MYO19: variants seen among roughly 807,000 people sequenced by gnomAD.
The protein encoded by MYO19 is unconventional myosin-XIX.
A neutral mutation model predicts 129.2 loss-of-function variants in MYO19; 132 were observed. The observed-to-expected ratio is 1.02, with a 90% CI of 0.89 to 1.18. The LOEUF (loss-of-function observed/expected upper bound fraction) is 1.18, where lower values mean the gene tolerates loss of function less well. Among genes scored for constraint, MYO19 ranks in the 50% most tolerant of loss-of-function variants. MYO19 has a pLI of 0.00. For missense variants in MYO19, 1,210 were observed against 1,216.7 expected, an observed-to-expected ratio of 0.99 and a Z score of 0.08; for synonymous variants, 531 against 477.2, an observed-to-expected ratio of 1.11 and a Z score of -1.47.
intron 22 of MYO19, 42 bp from the exon 23 acceptor site, chr17:36,501,001 C>T (rs1158272254): frequency 6.2e-7 from 1 of 1,604,204 alleles, no homozygotes; most frequent in African/African-American, 1.3e-5. Flanking sequence ...TCTTCTCCCC[C>T]TGCCCCCTCC....
chr17:36,518,629 G>C (rs559202161), intron 6 of MYO19, among the ~76,000 whole-genome samples: 2 of 134,114 alleles, frequency 1.5e-5, no homozygotes, highest in East Asian at 4.4e-4. Context: ...TGTCTCCTTA[G>C]AAGATAATCA....
chr17:36,500,043 GAGAA>G (rs2071399154), intron 23 of MYO19: 2 of 151,948 alleles, frequency 1.3e-5, no homozygotes, highest in Non-Finnish European at 2.9e-5. Flanking sequence ...ATTTTTAGTA[GAGAA>G]AGGGTTTTGC....
chr17:36,498,581 T>C lies in MYO19; in HGVS notation c.2464-22A>G, dbSNP rs77323467. On this transcript the variant is annotated intron_variant, in intron 24 of 25. Transcript: ENST00000614623. ...TGATCTTAAAAAGCAAATATCCCTT[T>C]ATAGCTTTAGATTTATCTAGCCCTC... 6.3e-4 allele frequency: 1,007 copies of C among 1,592,138 alleles called. 5 individuals are homozygous for C. In the African/African-American group the frequency reaches 0.012, roughly 19 times the overall value.
At chr17:36,514,573 C>T (rs777126686) in intron 8 of MYO19, 25 bp from the exon 9 acceptor site, 21 of 1,469,866 alleles carry the variant, frequency 1.4e-5, no homozygotes, top group African/African-American at 5.5e-5. Context: ...GGCCAGAGCC[C>T]GTTAGTTGCC....
chr17:36,517,854 T>C (rs62070730), intron 6 of MYO19, among the ~76,000 whole-genome samples: 67,337 of 151,344 alleles, frequency 0.44, 15,151 homozygotes, highest in Non-Finnish European at 0.48. Flanking sequence ...TTTGGGAGGC[T>C]GAGGTGGGTG....
chr17:36,500,976 C>A lies in MYO19; in HGVS notation c.2248-17G>T. ...AAGCTCCAGCTGGGAGAAAAGGCAT[C>A]CATTGAGGGCAGCCTCTTCTCCCCC... On this transcript the variant is annotated splice_polypyrimidine_tract_variant and intron_variant, in intron 22 of 25. Coordinates refer to ENST00000614623, the MANE Select transcript of MYO19 (RefSeq NM_001163735.2). The A allele has an allele frequency of 6.2e-7, 1 of 1,608,496 alleles. No individual in the cohort carries two copies. Among genetic ancestry groups the A allele is most frequent in the Non-Finnish European group, 8.5e-7 (1 of 1,175,438 alleles).
rs73276759 is a variant in MYO19 at position 36,502,231 on chromosome 17, A to C, written c.2080+866T>G. The stretch of plus-strand genomic sequence containing the variant: ...CTGTGGCTCCCACAGCCTCTCTTTT[A>C]TCTGCATGCCGACAACCCCCATATG... On this transcript the variant is annotated intron_variant, in intron 21 of 25. Transcript: ENST00000614623. 4.7e-3 allele frequency among the ~76,000 whole-genome samples: 713 copies of C among 152,056 alleles called. 10 individuals are homozygous for C. Among genetic ancestry groups the C allele is most frequent in the African/African-American group, 0.017 (695 of 41,474 alleles).
chr17:36,513,260 G>A, intron 11 of MYO19, 169 bp downstream of exon 11: 2 of 1,475,066 alleles, frequency 1.4e-6, no homozygotes, highest in Admixed American at 2.5e-5. Context: ...CCACCACCTG[G>A]TCTCCAGACT....
chr17:36,523,591 G>A (rs1376231746), intron 6 of MYO19, among the ~76,000 whole-genome samples: 3 of 152,044 alleles, frequency 2.0e-5, no homozygotes, highest in Non-Finnish European at 2.9e-5. Flanking sequence ...AAAACAGAGG[G>A]AAAATAAAAA....
rs112738984 is a variant in MYO19, at chr17:36,541,197, G to A, written n.395+884C>T. On this transcript the variant is annotated intron_variant and non_coding_transcript_variant, in intron 2 of 2. Transcript: ENST00000610496. ...CCTGACCTCGTGATCCGCCTGCCTCGGCCTCCCAAAGTGCTGGGATTACAG... is the reference window on the plus strand; with the variant it reads ...CCTGACCTCGTGATCCGCCTGCCTCAGCCTCCCAAAGTGCTGGGATTACAG... Among the ~76,000 whole-genome samples the A allele has an allele frequency of 6.5e-3, 982 of 151,746 alleles. 16 individuals carry two copies. Among genetic ancestry groups the A allele is most frequent in the African/African-American group, 0.023 (954 of 41,346 alleles).
intron 3 of MYO19, among the ~76,000 whole-genome samples, 165 bp from the exon 4 acceptor site, chr17:36,528,367 C>T (rs2073617837): frequency 6.6e-6 from 1 of 152,108 alleles, no homozygotes; most frequent in Non-Finnish European, 1.5e-5. Flanking sequence ...AAAAATTAGC[C>T]AGGCATGGTG....
chr17:36,538,047 C>T, upstream of MYO19: 4 of 1,614,134 alleles, frequency 2.5e-6, no homozygotes, highest in Non-Finnish European at 3.4e-6. Flanking sequence ...TGTGGCAATA[C>T]ACATGGCTGG....
chr17:36,506,360 C>T, intron 18 of MYO19, 96 bp downstream of exon 18: 1 of 1,525,310 alleles, frequency 6.6e-7, no homozygotes. Flanking sequence ...GCCACTGCTC[C>T]CCAACAAACA....
Position 36,496,109 on chromosome 17 carries a change from CTG to C in MYO19, c.*140_*141del. On this transcript the variant is annotated 3_prime_UTR_variant, in exon 26 of 26. Transcript: ENST00000614623. ...CCACTGACGCACTGGGCACGGGGCT[CTG>C]GGTCGAAGGCTGGAGCCGTCACTGT... 1.7e-6 allele frequency: 2 copies of C among 1,195,218 alleles called. No homozygotes were observed. The highest frequency in any genetic ancestry group is 2.4e-6 in the Non-Finnish European group (2 of 844,406). The allele number at this position is 1,195,218 out of a possible 1,614,324, so 74.0% of individuals were successfully genotyped here.
At position 36,514,487 on chromosome 17, in the gene MYO19, AG is replaced by A; in HGVS notation, c.678del (p.Cys227AlafsTer45). On this transcript the variant is annotated frameshift_variant, in exon 9 of 26. Coordinates refer to ENST00000614623, the MANE Select transcript of MYO19 (RefSeq NM_001163735.2). LOFTEE classifies it high-confidence loss of function. Reference sequence around the variant, plus strand: ...AAGTTCCTCTCACTGGAAGCCTGGCAGGCCACTCGAGTTTTCTCTAGGAGGT... The same window carrying A: ...AAGTTCCTCTCACTGGAAGCCTGGCAGCCACTCGAGTTTTCTCTAGGAGGT... ...QTYLLEKTRV[A>X]CQASSERNFH... The A allele has an allele frequency of 6.2e-7, 1 of 1,613,786 alleles. No individual in the cohort carries two copies. The highest frequency in any genetic ancestry group is 8.5e-7 in the Non-Finnish European group (1 of 1,179,692).
rs1268859606 is a variant in MYO19, at chr17:36,528,084, T to C, written c.131A>G (p.Asn44Ser). The C allele has an allele frequency of 4.3e-6, 7 of 1,613,748 alleles. No individual in the cohort carries two copies. The highest frequency in any genetic ancestry group is 1.1e-5 in the South Asian group (1 of 91,074). The change falls in exon 4 of 26, where the codon AAT becomes AGT. Residue 44 changes from asparagine (N) to serine (S), a missense_variant. Physicochemically the swap from Asn to Ser is conservative, Grantham distance 46. Coordinates refer to ENST00000614623, the MANE Select transcript of MYO19 (RefSeq NM_001163735.2). ...LYKLDDLTRVNPVTLETVLRC... is the reference protein window; with the variant it reads ...LYKLDDLTRVSPVTLETVLRC... ...CATACCTGTCTCTAGTGTCACAGGATTCACCCTGGTGAGGTCATCCAGTTT... is the reference window on the plus strand; with the variant it reads ...CATACCTGTCTCTAGTGTCACAGGACTCACCCTGGTGAGGTCATCCAGTTT...
Position 36,514,646 on chromosome 17 carries a change from C to G in MYO19, c.618-98G>C, listed in dbSNP as rs190991775. The G allele has an allele frequency of 1.0e-5, 8 of 766,500 alleles. No homozygotes were observed. The African/African-American group carries it at 1.2e-4, about 12-fold the overall frequency. The allele number at this position is 766,500 out of a possible 1,614,324, so 47.5% of individuals were successfully genotyped here. A position where few individuals can be genotyped will look rare whatever the true frequency, so the allele number is the denominator to read the frequency against. On this transcript the variant is annotated intron_variant, in intron 8 of 25. Coordinates refer to ENST00000614623, the MANE Select transcript of MYO19 (RefSeq NM_001163735.2). Reference sequence around the variant, plus strand: ...CCAGATTGCCTGCTACCTGGCAACTCCCCGCCAAGCTCTTCCACTTAGCCA... The same window carrying G: ...CCAGATTGCCTGCTACCTGGCAACTGCCCGCCAAGCTCTTCCACTTAGCCA...
chr17:36,540,941 G>A (rs2074194418), intron 2 of MYO19, among the ~76,000 whole-genome samples: 1 of 152,140 alleles, frequency 6.6e-6, no homozygotes, highest in Admixed American at 6.5e-5. Context: ...AACATAATCT[G>A]TCCAGGACCT....
At chr17:36,535,641 G>C (rs2074094415), upstream of MYO19, 1 of 152,194 alleles carries the variant, frequency 6.6e-6, no homozygotes, top group Admixed American at 6.5e-5. Context: ...CGTCTGTTAG[G>C]AAAAAGACTT....
Sources: allele counts gnomAD v4.1 joint callset (sites outside exome capture counted in the v4.1 genomes callset), GRCh38; gene constraint gnomAD v4.1.1; transcripts MANE v1.5; gene names NCBI Gene and HGNC (gene_info 2026-07-23, HGNC 2026-07-21).